Variants in GFRA1 observed in about 807,000 individuals in gnomAD.
The protein encoded by GFRA1 is GDNF family receptor alpha-1.
Under a neutral mutation model 51.6 loss-of-function variants are expected in GFRA1, and 16 were observed. The ratio of observed to expected loss-of-function variants is 0.31; its 90% CI spans 0.21 to 0.47. The LOEUF (loss-of-function observed/expected upper bound fraction) is 0.47, where lower values mean the gene tolerates loss of function less well. Ranked by LOEUF, GFRA1 falls within the 20% of genes least tolerant of loss-of-function variation. The pLI is 1.00. For synonymous variants in GFRA1, 270 were observed against 241.3 expected, an observed-to-expected ratio of 1.12 and a Z score of -1.10; for missense variants, 530 against 594.3, an observed-to-expected ratio of 0.89 and a Z score of 1.13.
At chr10:116,234,742 A>G (rs1008612629) in intron 4 of GFRA1, among the ~76,000 whole-genome samples, 3 of 152,174 alleles carry the variant, frequency 2.0e-5, no homozygotes, top group African/African-American at 7.2e-5. Context: ...GGACACTCTC[A>G]ATATGTGAGC....
At chr10:116,181,711 C>A (rs1388803739) in intron 5 of GFRA1, among the ~76,000 whole-genome samples, 1 of 151,908 alleles carries the variant, frequency 6.6e-6, no homozygotes, top group Non-Finnish European at 1.5e-5. Context: ...GATCTCGGCT[C>A]ACTGCAAGCT....
intron 6 of GFRA1, among the ~76,000 whole-genome samples, chr10:116,116,159 A>G (rs1957404149): frequency 6.6e-6 from 1 of 152,020 alleles, no homozygotes; most frequent in African/African-American, 2.4e-5. Flanking sequence ...CAATGGTGCG[A>G]TCTCCACTCA....
intron 6 of GFRA1, among the ~76,000 whole-genome samples, chr10:116,107,830 G>A (rs1485547400): frequency 6.6e-6 from 1 of 152,152 alleles, no homozygotes; most frequent in African/African-American, 2.4e-5. Context: ...ATGCTACCTG[G>A]TCTTCCTCAG....
chr10:116,238,234 G>A (rs560938458), intron 4 of GFRA1, among the ~76,000 whole-genome samples: 17 of 152,316 alleles, frequency 1.1e-4, no homozygotes, highest in African/African-American at 3.4e-4. Flanking sequence ...CAGGAGAGCC[G>A]TGTCTTTCAA....
intron 3 of GFRA1, among the ~76,000 whole-genome samples, chr10:116,270,127 T>A (rs926428730): frequency 1.3e-5 from 2 of 152,196 alleles, no homozygotes; most frequent in African/African-American, 2.4e-5. Context: ...ACACACAAGA[T>A]GTTTGCGTTA....
chr10:116,058,527 G>A lies in GFRA1; in HGVS notation c.*5871C>T, dbSNP rs535800145. On this transcript the variant is annotated 3_prime_UTR_variant, in exon 11 of 11. Coordinates refer to ENST00000355422, the MANE Select transcript of GFRA1 (RefSeq NM_005264.8). The stretch of plus-strand genomic sequence containing the variant: ...GGGTGTGTTTGCCTTCTCTATCATG[G>A]AAGAGCTGGATTTGCCATTGTTTGC... 6.6e-5 allele frequency: 10 copies of A among 152,376 alleles called. No homozygotes were observed. The highest frequency in any genetic ancestry group is 2.4e-4 in the African/African-American group (10 of 41,560). 9.4% of individuals were successfully genotyped at this position (152,376 alleles called of 1,614,324 possible).
chr10:116,214,861 C>G (rs889651873), intron 4 of GFRA1, among the ~76,000 whole-genome samples: 2 of 152,180 alleles, frequency 1.3e-5, no homozygotes, highest in African/African-American at 4.8e-5. Context: ...TTATTCTGTC[C>G]ACTTCCATTG....
intron 9 of GFRA1, among the ~76,000 whole-genome samples, chr10:116,072,287 G>A (rs1344898887): frequency 6.6e-6 from 1 of 152,160 alleles, no homozygotes; most frequent in African/African-American, 2.4e-5. Context: ...GTGGGTAGAA[G>A]AAGCGAAGTC....
chr10:116,176,827 C>T (rs1233205096), intron 5 of GFRA1, among the ~76,000 whole-genome samples: 2 of 150,806 alleles, frequency 1.3e-5, no homozygotes, highest in African/African-American at 2.4e-5. Flanking sequence ...TGACAGTCCT[C>T]AGGAAGTTAA....
chr10:116,176,514 C>A (rs577095665), intron 5 of GFRA1, among the ~76,000 whole-genome samples: 3 of 152,220 alleles, frequency 2.0e-5, no homozygotes, highest in Admixed American at 2.0e-4. Flanking sequence ...TCTCTTGCCA[C>A]ATCAAATGCT....
chr10:116,237,248 A>G (rs1178270126), intron 4 of GFRA1, among the ~76,000 whole-genome samples: 1 of 152,226 alleles, frequency 6.6e-6, no homozygotes, highest in Non-Finnish European at 1.5e-5. Context: ...TTACATAGAC[A>G]GCTATCTCAT....
chr10:116,157,167 G>T (rs772384717), intron 5 of GFRA1, among the ~76,000 whole-genome samples: 1 of 152,180 alleles, frequency 6.6e-6, no homozygotes, highest in African/African-American at 2.4e-5. Context: ...CTCTCTGGGC[G>T]CCATTTGTGA....
At chr10:116,087,957 G>A (rs1320073462) in intron 9 of GFRA1, among the ~76,000 whole-genome samples, 3 of 152,106 alleles carry the variant, frequency 2.0e-5, no homozygotes, top group Admixed American at 1.3e-4. Context: ...CAGTGCTTTG[G>A]AGAGAGTAAA....
chr10:116,130,278 A>G (rs1311366709), intron 5 of GFRA1, among the ~76,000 whole-genome samples: 2 of 152,020 alleles, frequency 1.3e-5, no homozygotes, highest in East Asian at 3.8e-4. Flanking sequence ...TATAGTTTTA[A>G]CAACTTTAAA....
At chr10:116,220,756 C>T (rs1965866288) in intron 4 of GFRA1, among the ~76,000 whole-genome samples, 1 of 152,176 alleles carries the variant, frequency 6.6e-6, no homozygotes, top group African/African-American at 2.4e-5. Context: ...TGCTATAAAT[C>T]ACCTGAAGGA....
rs11197555 is a variant in GFRA1 at position 116,156,286 on chromosome 10, T to C, written c.434-30729A>G. On this transcript the variant is annotated intron_variant, in intron 5 of 10. Coordinates refer to ENST00000355422, the MANE Select transcript of GFRA1 (RefSeq NM_005264.8). ...ATAGGATCATTTCAAAAGGAGGAAA[T>C]GACAGGTCATTAGGAGGAATTTCAA... Among the ~76,000 whole-genome samples the C allele has an allele frequency of 8.2e-3, 1,247 of 152,334 alleles. 17 individuals are homozygous for C. The highest frequency in any genetic ancestry group is 0.028 in the African/African-American group (1,156 of 41,568).
upstream of GFRA1, among the ~76,000 whole-genome samples, chr10:116,273,888 T>C (rs2577364): frequency 0.99 from 151,048 of 152,168 alleles, 74,980 homozygotes; most frequent in East Asian, 1. Context: ...GATGCGCCCA[T>C]CCGTTCGTCC....
At chr10:116,224,187 T>C (rs1966119535) in intron 4 of GFRA1, among the ~76,000 whole-genome samples, 1 of 152,196 alleles carries the variant, frequency 6.6e-6, no homozygotes, top group African/African-American at 2.4e-5. Context: ...CTCAAAAAGA[T>C]AATGACAAGT....
rs115126877 is a variant in GFRA1, at chr10:116,268,367, T to C, written c.418+1136A>G. Among the ~76,000 whole-genome samples, 484 of 152,324 alleles carry C rather than the reference T, an allele frequency of 3.2e-3. 1 individual carries two copies. The highest frequency in any genetic ancestry group is 0.011 in the African/African-American group (446 of 41,576). ...TTAATGATGTAACACTTTTAACACA[T>C]TGCTTGGCAAATAATAAGACTTAAT... On this transcript the variant is annotated intron_variant, in intron 4 of 10. Transcript: ENST00000355422.
Sources: gnomAD v4.1 joint callset for allele counts (sites outside exome capture counted in the v4.1 genomes callset) on GRCh38, gnomAD v4.1.1 for gene constraint, MANE v1.5 for transcripts, NCBI Gene and HGNC (gene_info 2026-07-23, HGNC 2026-07-21) for gene names.